The following HYCC2 variants were observed in gnomAD, a reference collection of about 807,000 sequenced individuals.
HYCC2 encodes hyccin PI4KA lipid kinase complex subunit 2, also known as hyccin 2.
chr2:201,042,920 C>T, the HYCC2 span, among the ~76,000 whole-genome samples: 1 of 152,176 alleles, frequency 6.6e-6, no homozygotes, highest in Admixed American at 6.5e-5. Flanking sequence ...GGCCGCCACC[C>T]CGTCTGGGAG....
chr2:201,017,061 C>T, the HYCC2 span: 4 of 1,613,990 alleles, frequency 2.5e-6, no homozygotes, highest in Middle Eastern at 1.6e-4. Context: ...AACTGTAAGC[C>T]GTAAATAAAC....
At chr2:200,985,209 T>A in the HYCC2 span, among the ~76,000 whole-genome samples, 1 of 152,204 alleles carries the variant, frequency 6.6e-6, no homozygotes, top group Non-Finnish European at 1.5e-5. Context: ...CCATTCATGG[T>A]CCAAAGAGGA....
At chr2:201,025,471 G>A in the HYCC2 span, among the ~76,000 whole-genome samples, 1 of 151,494 alleles carries the variant, frequency 6.6e-6, no homozygotes, top group African/African-American at 2.4e-5. Flanking sequence ...GAAAAGAAAA[G>A]AAAAGAAGGA....
chr2:200,988,200 C>A, the HYCC2 span: 1 of 1,444,088 alleles, frequency 6.9e-7, no homozygotes. Context: ...CTAAGACAGT[C>A]TGTAAAAACA....
At chr2:201,039,066 G>C in the HYCC2 span, among the ~76,000 whole-genome samples, 3 of 151,950 alleles carry the variant, frequency 2.0e-5, no homozygotes, top group Admixed American at 6.6e-5. Flanking sequence ...TCCCAGCTCT[G>C]TATATGGCTG....
At chr2:200,985,345 G>T in the HYCC2 span, among the ~76,000 whole-genome samples, 1 of 151,750 alleles carries the variant, frequency 6.6e-6, no homozygotes, top group Admixed American at 6.6e-5. Flanking sequence ...TTACACATTT[G>T]GCTTCTGTTA....
At chr2:201,060,054 C>CA in the HYCC2 span, among the ~76,000 whole-genome samples, 1 of 36,588 alleles carries the variant, frequency 2.7e-5, no homozygotes, top group Non-Finnish European at 7.6e-5. Context: ...AAAAAAAAAG[C>CA]GGGGGGGGGG....
the HYCC2 span, among the ~76,000 whole-genome samples, chr2:201,005,726 C>T: frequency 6.6e-6 from 1 of 152,150 alleles, no homozygotes; most frequent in Non-Finnish European, 1.5e-5. Flanking sequence ...GAGACCAACA[C>T]GATGGTCAAA....
the HYCC2 span, among the ~76,000 whole-genome samples, chr2:201,034,210 T>G: frequency 6.6e-6 from 1 of 152,134 alleles, no homozygotes; most frequent in Non-Finnish European, 1.5e-5. Flanking sequence ...AGACAGTAAT[T>G]TATTAAGTAC....
At chr2:201,038,148 A>T in the HYCC2 span, among the ~76,000 whole-genome samples, 3 of 152,254 alleles carry the variant, frequency 2.0e-5, no homozygotes, top group African/African-American at 7.2e-5. Context: ...AAAAATGCTC[A>T]TCATCACTGG....
the HYCC2 span, among the ~76,000 whole-genome samples, chr2:201,036,567 C>T: frequency 6.6e-6 from 1 of 152,178 alleles, no homozygotes; most frequent in African/African-American, 2.4e-5. Flanking sequence ...GGGCTTCATC[C>T]CTGGGATGCA....
chr2:201,007,184 A>G, the HYCC2 span, among the ~76,000 whole-genome samples: 1 of 152,214 alleles, frequency 6.6e-6, no homozygotes, highest in African/African-American at 2.4e-5. Context: ...CAGCCTGTAT[A>G]ATAAATACAG....
At chr2:201,024,055 A>G in the HYCC2 span, 3 of 1,462,234 alleles carry the variant, frequency 2.1e-6, no homozygotes, top group African/African-American at 4.2e-5. Flanking sequence ...AGAAAAAAGT[A>G]TTGAAGCTGA....
the HYCC2 span, chr2:201,063,674 C>T: frequency 2.2e-5 from 34 of 1,575,698 alleles, no homozygotes; most frequent in East Asian, 1.1e-4. Context: ...CCAAAGAGGT[C>T]GAAGTGGTTC....
chr2:200,983,363 C>T, the HYCC2 span, among the ~76,000 whole-genome samples: 1 of 152,012 alleles, frequency 6.6e-6, no homozygotes, highest in African/African-American at 2.4e-5. Context: ...AAAATATATA[C>T]AAAATATTTA....
the HYCC2 span, among the ~76,000 whole-genome samples, chr2:201,070,942 T>A: frequency 2.6e-5 from 4 of 152,158 alleles, no homozygotes; most frequent in African/African-American, 9.7e-5. Context: ...ATAATTGGGA[T>A]AAGCTCTTCG....
the HYCC2 span, among the ~76,000 whole-genome samples, chr2:201,028,902 G>C: frequency 1.4e-4 from 21 of 152,254 alleles, no homozygotes; most frequent in African/African-American, 5.1e-4. Context: ...ACATAGGCAT[G>C]GGCAAGGACT....
chr2:201,035,915 C>T, the HYCC2 span, among the ~76,000 whole-genome samples: 7 of 152,092 alleles, frequency 4.6e-5, no homozygotes, highest in African/African-American at 9.7e-5. Context: ...TGCAGAACAG[C>T]GGATATTGGT....
chr2:201,065,008 C>T, the HYCC2 span, among the ~76,000 whole-genome samples: 56 of 152,286 alleles, frequency 3.7e-4, no homozygotes, highest in East Asian at 9.7e-4. Context: ...CTCATGTATA[C>T]GTGTGTGTAT....
Sources: allele counts gnomAD v4.1 joint callset (sites outside exome capture counted in the v4.1 genomes callset), GRCh38; gene constraint gnomAD v4.1.1; transcripts MANE v1.5; gene names NCBI Gene and HGNC (gene_info 2026-07-23, HGNC 2026-07-21).